The following NCOR2 variants were observed in gnomAD, a reference collection of about 807,000 sequenced individuals.
NCOR2 encodes the protein CTG repeat protein 26.
Under a neutral mutation model 262.9 loss-of-function variants are expected in NCOR2, and 81 were observed. The ratio of observed to expected loss-of-function variants is 0.31; its 90% confidence interval spans 0.26 to 0.37. NCOR2 has a LOEUF of 0.37. Ranked by LOEUF, NCOR2 falls within the 10% of genes least tolerant of loss-of-function variation. The pLI is 1.00. For synonymous variants in NCOR2, 1,659 were observed against 1,559.3 expected (o/e 1.06, Z -1.51); for missense variants, 3,385 against 3,621.4 (o/e 0.93, Z 1.68).
exon 1 of NCOR2, chr12:124,567,440 C>A (rs2052285553): frequency 6.7e-6 from 1 of 150,062 alleles, no homozygotes; most frequent in South Asian, 2.1e-4. Flanking sequence ...GCGATCCTCC[C>A]GCCGCCGCCT....
At chr12:124,557,617 G>A (rs896558340) in intron 1 of NCOR2, among the ~76,000 whole-genome samples, 7 of 152,334 alleles carry the variant, frequency 4.6e-5, no homozygotes, top group African/African-American at 1.7e-4. Flanking sequence ...TGAATGGGTG[G>A]GAAGGTGGCA....
chr12:124,411,731 C>T (rs1286587983), intron 13 of NCOR2, among the ~76,000 whole-genome samples: 9 of 152,264 alleles, frequency 5.9e-5, no homozygotes, highest in African/African-American at 1.9e-4. Context: ...CTGTTCCCCG[C>T]ACCGCCCCAC....
At position 124,527,999 on chromosome 12, in the gene NCOR2, C is replaced by T. The variant is rs142314439; in HGVS notation, c.-118+7566G>A. ...ACCATGTTTGTCATCTACCCTTCAG[C>T]GCAGCCTGATGAGGGATTTGCTGAA... On this transcript the variant is annotated intron_variant, in intron 1 of 46. Coordinates refer to the NCOR2 transcript ENST00000404621. Among the ~76,000 whole-genome samples the T allele has an allele frequency of 2.0e-4, 30 of 152,342 alleles. No homozygotes were observed. The East Asian group carries it at 4.5e-3, about 23-fold the overall frequency.
In NCOR2 at chr12:124,545,821, G is replaced by A. The variant is rs138025807; in HGVS notation, c.-164-10210C>T. 2.4e-3 allele frequency among the ~76,000 whole-genome samples: 369 copies of A among 152,278 alleles called. 2 individuals carry two copies. Among genetic ancestry groups the A allele is most frequent in the African/African-American group, 8.5e-3 (355 of 41,546 alleles). On this transcript the variant is annotated intron_variant, in intron 1 of 32. Coordinates refer to the NCOR2 transcript ENST00000458234. Reference sequence around the variant, plus strand: ...AGGGTGGGGGTGGGGGACGAGTGGCGTGGAACAGCCTTTCAGCCTGGGGAC... The same window carrying A: ...AGGGTGGGGGTGGGGGACGAGTGGCATGGAACAGCCTTTCAGCCTGGGGAC...
At chr12:124,391,964 G>A (rs577644192) in intron 16 of NCOR2, among the ~76,000 whole-genome samples, 8 of 152,352 alleles carry the variant, frequency 5.3e-5, no homozygotes, top group South Asian at 4.1e-4. Context: ...TGTGTCCACC[G>A]CAGTGGGCTG....
Position 124,472,302 on chromosome 12 carries a change from T to C in NCOR2, c.591+650A>G, listed in dbSNP as rs939885693. 3.3e-5 allele frequency among the ~76,000 whole-genome samples: 5 copies of C among 152,246 alleles called. No individual in the cohort carries two copies. In the East Asian group the frequency reaches 9.6e-4, roughly 29 times the overall value. The stretch of plus-strand genomic sequence containing the variant: ...TTTATATCAGCTTTTTCTCCGCTTG[T>C]CTTTGTGTGGTTTCAACAGTGACAA... On this transcript the variant is annotated intron_variant, in intron 4 of 46. Coordinates refer to ENST00000405201, the Ensembl canonical transcript of NCOR2.
intron 1 of NCOR2, among the ~76,000 whole-genome samples, chr12:124,510,251 T>C (rs575838644): frequency 6.6e-6 from 1 of 152,270 alleles, no homozygotes; most frequent in East Asian, 1.9e-4. Context: ...CCGACCTCCA[T>C]GGGGCCATGT....
intron 38 of NCOR2, 49 bp from the exon 41 acceptor site, chr12:124,335,681 G>C (rs542590856): frequency 3.2e-6 from 5 of 1,553,066 alleles, no homozygotes; most frequent in African/African-American, 2.7e-5. Flanking sequence ...CAGGGTTTCG[G>C]AGCCCGAGGG....
chr12:124,405,743 C>T (rs2042239187), intron 13 of NCOR2, among the ~76,000 whole-genome samples: 1 of 152,174 alleles, frequency 6.6e-6, no homozygotes, highest in Non-Finnish European at 1.5e-5. Context: ...CTCACAACTC[C>T]CCCTGAGGAG....
intron 12 of NCOR2, among the ~76,000 whole-genome samples, chr12:124,421,352 G>A (rs771377073): frequency 2.6e-5 from 4 of 152,354 alleles, no homozygotes; most frequent in East Asian, 3.9e-4. Flanking sequence ...AGGACTGCTC[G>A]ATGGCCAGTT....
At chr12:124,516,453 C>G (rs1414379890) in intron 1 of NCOR2, among the ~76,000 whole-genome samples, 4 of 152,244 alleles carry the variant, frequency 2.6e-5, no homozygotes, top group African/African-American at 9.6e-5. Flanking sequence ...CTCCCATTAT[C>G]TGGACCCAGG....
chr12:124,335,546 G>A, exon 39 of NCOR2: 1 of 1,609,446 alleles, frequency 6.2e-7, no homozygotes, highest in Non-Finnish European at 8.5e-7. Flanking sequence ...AGGTGCTTGG[G>A]GAGCCCCTTG....
chr12:124,489,391 G>A (rs1000943383), intron 1 of NCOR2, among the ~76,000 whole-genome samples: 7 of 152,308 alleles, frequency 4.6e-5, no homozygotes, highest in Non-Finnish European at 8.8e-5. Flanking sequence ...ACACAAAGAC[G>A]AGAAAACAGA....
At chr12:124,554,024 GCT>G (rs2051802145) in intron 1 of NCOR2, among the ~76,000 whole-genome samples, 1 of 152,158 alleles carries the variant, frequency 6.6e-6, no homozygotes, top group East Asian at 1.9e-4. Flanking sequence ...TGGTGACTAC[GCT>G]CTCACAAACC....
chr12:124,338,506 A>C (rs1436339477), intron 37 of NCOR2, among the ~76,000 whole-genome samples: 1 of 73,556 alleles, frequency 1.4e-5, no homozygotes, highest in Admixed American at 1.4e-4. Flanking sequence ...CAACTCCATC[A>C]AAAAAAAAAA....
intron 22 of NCOR2, among the ~76,000 whole-genome samples, chr12:124,358,175 G>A (rs2038155693): frequency 6.8e-6 from 1 of 147,886 alleles, no homozygotes; most frequent in Non-Finnish European, 1.5e-5. Context: ...ACACAATGTT[G>A]AAGGAGATAA....
intron 5 of NCOR2, among the ~76,000 whole-genome samples, chr12:124,461,685 C>T (rs1016178843): frequency 3.9e-5 from 6 of 152,232 alleles, no homozygotes; most frequent in African/African-American, 1.4e-4. Context: ...CGCCCCACAC[C>T]CGCCATCTCA....
chr12:124,326,431 G>T, intron 45 of NCOR2, 61 bp from the exon 48 acceptor site: 1 of 1,394,546 alleles, frequency 7.2e-7, no homozygotes. Context: ...CCGACGCTAC[G>T]GTGGGGCCAC....
At chr12:124,435,917 CAT>C (rs1220493711) in intron 8 of NCOR2, among the ~76,000 whole-genome samples, 1 of 152,242 alleles carries the variant, frequency 6.6e-6, no homozygotes, top group Non-Finnish European at 1.5e-5. Context: ...TCCTCTGAAA[CAT>C]GTGGCTGACC....
Sources: gnomAD v4.1 joint callset for allele counts (sites outside exome capture counted in the v4.1 genomes callset) on GRCh38, gnomAD v4.1.1 for gene constraint, MANE v1.5 for transcripts, NCBI Gene and HGNC (gene_info 2026-07-23, HGNC 2026-07-21) for gene names.